Variants in RAB38 observed in about 807,000 individuals in gnomAD.
RAB38 encodes RAB38, member RAS oncogene family, also known as ras-related protein Rab-38.
A neutral mutation model predicts 18.4 loss-of-function variants in RAB38; 15 were observed. The observed-to-expected ratio is 0.82, with a 90% CI of 0.55 to 1.26. RAB38 has a LOEUF of 1.26. Ranked by LOEUF, RAB38 falls within the 50% of genes most tolerant of loss-of-function variation. The pLI, the probability that RAB38 is intolerant of heterozygous loss-of-function variation, is 0.00. For missense variants in RAB38, 294 were observed against 267.4 expected, an observed-to-expected ratio of 1.10 and a Z score of -0.69; for synonymous variants, 101 against 104.4, an observed-to-expected ratio of 0.97 and a Z score of 0.20.
the RAB38 span, among the ~76,000 whole-genome samples, chr11:88,028,351 C>T: frequency 6.6e-6 from 1 of 152,182 alleles, no homozygotes; most frequent in Non-Finnish European, 1.5e-5. Context: ...TGCAGTTCCT[C>T]ACCAGAAACG....
chr11:88,171,744 A>G (rs1372391086), intron 1 of RAB38, among the ~76,000 whole-genome samples: 1 of 152,236 alleles, frequency 6.6e-6, no homozygotes, highest in African/African-American at 2.4e-5. Flanking sequence ...CAAGAGTTCT[A>G]GACAAGATAG....
At chr11:88,133,537 C>T (rs554599945) in intron 2 of RAB38, among the ~76,000 whole-genome samples, 102 of 152,132 alleles carry the variant, frequency 6.7e-4, no homozygotes, top group African/African-American at 2.5e-3. Flanking sequence ...CCTGTTACAC[C>T]CTAGACACCT....
chr11:87,965,332 A>C, the RAB38 span, among the ~76,000 whole-genome samples: 1 of 151,960 alleles, frequency 6.6e-6, no homozygotes, highest in African/African-American at 2.4e-5. Flanking sequence ...GGAAGGGCAG[A>C]CTGTTTTTAG....
At chr11:88,060,061 C>G in the RAB38 span, among the ~76,000 whole-genome samples, 1 of 152,190 alleles carries the variant, frequency 6.6e-6, no homozygotes. Context: ...CTGTTAGGGC[C>G]TTGGCATGTT....
At chr11:87,858,431 T>C in the RAB38 span, among the ~76,000 whole-genome samples, 1 of 152,070 alleles carries the variant, frequency 6.6e-6, no homozygotes, top group African/African-American at 2.4e-5. Flanking sequence ...AACCCAGTGG[T>C]TCCAGGAGGG....
chr11:87,971,565 G>T, the RAB38 span, among the ~76,000 whole-genome samples: 1 of 152,026 alleles, frequency 6.6e-6, no homozygotes, highest in East Asian at 1.9e-4. Context: ...TTGCCTTTAT[G>T]ACCTGGTAAC....
chr11:87,932,585 A>G, the RAB38 span, among the ~76,000 whole-genome samples: 1 of 152,090 alleles, frequency 6.6e-6, no homozygotes, highest in Non-Finnish European at 1.5e-5. Flanking sequence ...AAAATAAGAT[A>G]CATCTCACTT....
At chr11:88,065,842 T>C in the RAB38 span, among the ~76,000 whole-genome samples, 1 of 152,174 alleles carries the variant, frequency 6.6e-6, no homozygotes, top group Non-Finnish European at 1.5e-5. Context: ...CAGAGGAAAA[T>C]CTCCCTTCGA....
chr11:88,163,682 A>G (rs1943213875), intron 1 of RAB38, among the ~76,000 whole-genome samples: 1 of 152,204 alleles, frequency 6.6e-6, no homozygotes, highest in Admixed American at 6.6e-5. Flanking sequence ...ATTACCTTAT[A>G]GAACAAAAGA....
the RAB38 span, among the ~76,000 whole-genome samples, chr11:88,048,054 G>A: frequency 5.9e-5 from 9 of 152,034 alleles, no homozygotes; most frequent in African/African-American, 9.7e-5. Context: ...TCACTTCTCA[G>A]TGCTCCATCT....
the RAB38 span, among the ~76,000 whole-genome samples, chr11:88,056,619 AC>A: frequency 1.3e-5 from 2 of 152,060 alleles, no homozygotes; most frequent in Non-Finnish European, 2.9e-5. Flanking sequence ...CCTGGCTAAT[AC>A]GGTGAAACCG....
the RAB38 span, among the ~76,000 whole-genome samples, chr11:87,891,062 T>C: frequency 1.3e-5 from 2 of 151,938 alleles, no homozygotes; most frequent in South Asian, 4.1e-4. Flanking sequence ...ATTAGGTTGG[T>C]TCACAATACA....
the RAB38 span, among the ~76,000 whole-genome samples, chr11:88,063,008 A>C: frequency 6.6e-6 from 1 of 152,216 alleles, no homozygotes; most frequent in Non-Finnish European, 1.5e-5. Flanking sequence ...GTAATTTTTA[A>C]GACTTTGAGT....
chr11:88,071,778 T>C, the RAB38 span, among the ~76,000 whole-genome samples: 1 of 152,190 alleles, frequency 6.6e-6, no homozygotes, highest in African/African-American at 2.4e-5. Flanking sequence ...CAGCAACTGA[T>C]GAAAGCTGAG....
At chr11:87,866,199 G>A in the RAB38 span, among the ~76,000 whole-genome samples, 2 of 151,640 alleles carry the variant, frequency 1.3e-5, no homozygotes, top group Admixed American at 1.3e-4. Flanking sequence ...TGGGAAGACA[G>A]ATAGAGAATA....
the RAB38 span, among the ~76,000 whole-genome samples, chr11:87,909,773 CT>C: frequency 6.6e-6 from 1 of 151,990 alleles, no homozygotes; most frequent in Non-Finnish European, 1.5e-5. Context: ...TTGTTCCTTA[CT>C]TTTTGTTGCT....
chr11:88,048,325 A>C, the RAB38 span, among the ~76,000 whole-genome samples: 1 of 152,024 alleles, frequency 6.6e-6, no homozygotes, highest in African/African-American at 2.4e-5. Flanking sequence ...TCACTTCTAT[A>C]CAGTCCTATA....
the RAB38 span, among the ~76,000 whole-genome samples, chr11:87,949,410 G>C: frequency 1.3e-5 from 2 of 152,118 alleles, no homozygotes; most frequent in Non-Finnish European, 2.9e-5. Context: ...TCTGATCTTA[G>C]TTATTTCTTG....
the RAB38 span, among the ~76,000 whole-genome samples, chr11:87,948,002 T>C: frequency 6.6e-6 from 1 of 152,190 alleles, no homozygotes; most frequent in Non-Finnish European, 1.5e-5. Flanking sequence ...GCCATTTTCA[T>C]GATATTGATT....
Sources: allele counts gnomAD v4.1 joint callset (sites outside exome capture counted in the v4.1 genomes callset), GRCh38; gene constraint gnomAD v4.1.1; transcripts MANE v1.5; gene names NCBI Gene and HGNC (gene_info 2026-07-23, HGNC 2026-07-21).